Variants in ATP1A3 observed in about 807,000 individuals in gnomAD.
The protein encoded by ATP1A3 is ATPase Na+/K+ transporting subunit alpha 3.
In ATP1A3, 12 loss-of-function variants were observed where a neutral mutation model predicts 108.8. The observed-to-expected ratio is 0.11, with a 90% confidence interval of 0.07 to 0.18. The LOEUF (loss-of-function observed/expected upper bound fraction) is 0.18. ATP1A3 is among the 10% of genes least tolerant of loss of function. ATP1A3 has a pLI of 1.00. For synonymous variants in ATP1A3, 539 were observed against 564.5 expected (o/e 0.95, Z 0.64); for missense variants, 498 against 1,387.7 (o/e 0.36, Z 10.19).
chr19:41,980,201 C>T (rs1469280047), intron 11 of ATP1A3, among the ~76,000 whole-genome samples: 1 of 152,258 alleles, frequency 6.6e-6, no homozygotes, highest in East Asian at 1.9e-4. Flanking sequence ...TTGTTATTGT[C>T]TGTCTTCTAG....
intron 1 of ATP1A3, chr19:41,993,698 C>T (rs2075361943): frequency 2.3e-5 from 14 of 605,818 alleles, no homozygotes; most frequent in Non-Finnish European, 3.8e-5. Context: ...CAGACACACC[C>T]AGACGCGATC....
chr19:41,988,705 C>G lies in ATP1A3; in HGVS notation c.7-143G>C. The G allele has an allele frequency of 1.3e-6, 2 of 1,527,896 alleles. No individual in the cohort carries two copies. The highest frequency in any genetic ancestry group is 1.2e-5 in the South Asian group (1 of 82,586). The allele number at this position is 1,527,896 out of a possible 1,614,324, so 94.6% of individuals were successfully genotyped here. ...CTGGGTGGGGGGTCTCTGTCTGCCT[C>G]TCGGGGTCTCCCTGTGTCTCCCGGA... is the stretch of plus-strand genomic sequence containing the variant. On this transcript the variant is annotated intron_variant, in intron 1 of 22. Transcript: ENST00000648268. The surrounding 1 kb of genome is among the most constrained non-coding windows in gnomAD (Gnocchi z 5.3).
rs782243377 is a variant in ATP1A3 at position 41,967,176 on chromosome 19, G to C, written c.3013+73C>G. The C allele has an allele frequency of 1.2e-6, 2 of 1,607,220 alleles. No homozygotes were observed. The highest frequency in any genetic ancestry group is 1.7e-6 in the Non-Finnish European group (2 of 1,176,910). On this transcript the variant is annotated intron_variant, in intron 22 of 22. Coordinates refer to ENST00000648268, the MANE Select transcript of ATP1A3 (RefSeq NM_152296.5). This position sits in a 1 kb window ranked among gnomAD's most constrained non-coding sequence, Gnocchi z 4.2. ...TGGCAGAGCCATCCAGCAGGGCGAG[G>C]GGAGCCTGGGACCAGCTGCCTGAGA...
intron 16 of ATP1A3, among the ~76,000 whole-genome samples, chr19:41,971,004 G>A (rs1555859808): frequency 6.6e-6 from 1 of 151,188 alleles, no homozygotes; most frequent in Non-Finnish European, 1.5e-5. Flanking sequence ...TCACTCTGTT[G>A]CCCAGGCTGC....
At chr19:41,974,357 C>A (rs62119578) in intron 16 of ATP1A3, among the ~76,000 whole-genome samples, 9 of 151,954 alleles carry the variant, frequency 5.9e-5, no homozygotes, top group Admixed American at 3.9e-4. Flanking sequence ...GCAGGAGGAT[C>A]GATTAAGTCC....
Position 41,967,111 on chromosome 19 carries a change from G to T in ATP1A3, c.3013+138C>A, listed in dbSNP as rs1423458520. On this transcript the variant is annotated intron_variant, in intron 22 of 22. Transcript: ENST00000648268. The surrounding 1 kb of genome is among the most constrained non-coding windows in gnomAD (Gnocchi z 4.2). ...AGACCCGTGAGAAGACAGAGTGGGT[G>T]CCCGGAGAGATGGGAAGAGAGAGAA... is the stretch of plus-strand genomic sequence containing the variant. 6.4e-7 allele frequency: 1 copy of T among 1,554,580 alleles called. No individual in the cohort carries two copies. The highest frequency in any genetic ancestry group is 2.4e-5 in the East Asian group (1 of 41,060).
rs2075193714 is a variant in ATP1A3 at position 41,978,300 on chromosome 19, C to T, written c.1657G>A (p.Glu553Lys). Reference sequence around the variant, plus strand: ...AAGGCAAAGCCCTTGGGGAACTGCTCCTCGGGCAGGTAATAATGGCAGAAA... The same window carrying T: ...AAGGCAAAGCCCTTGGGGAACTGCTTCTCGGGCAGGTAATAATGGCAGAAA... Reference protein sequence around the residue: ...LGFCHYYLPEEQFPKGFAFDC... With the variant: ...LGFCHYYLPEKQFPKGFAFDC... The change falls in exon 13 of 23, where the codon GAG (glutamate) becomes AAG (lysine). Residue 553 changes from glutamate (E) to lysine (K), a missense_variant. By Grantham distance (56) the Glu-to-Lys change is moderately conservative. Coordinates refer to ENST00000648268, the MANE Select transcript of ATP1A3 (RefSeq NM_152296.5). This position sits in a 1 kb window ranked among gnomAD's most constrained non-coding sequence, Gnocchi z 8.3. The T allele has an allele frequency of 6.2e-7, 1 of 1,608,092 alleles. No individual in the cohort carries two copies. The highest frequency in any genetic ancestry group is 8.5e-7 in the Non-Finnish European group (1 of 1,177,482).
intron 16 of ATP1A3, among the ~76,000 whole-genome samples, chr19:41,971,112 C>T (rs919930248): frequency 4.6e-5 from 7 of 151,852 alleles, no homozygotes; most frequent in Non-Finnish European, 7.4e-5. Context: ...TACAGTCACG[C>T]GCCACCACGT....
Position 41,988,433 on chromosome 19 carries a change from C to A in ATP1A3, c.93+43G>T, listed in dbSNP as rs367641024. ...AGTGCCTAGGCCAGCCAAGAACTGG[C>A]GAGGTTCTCTGGGAGGGTGTGCGGG... is the stretch of plus-strand genomic sequence containing the variant. On this transcript the variant is annotated intron_variant, in intron 2 of 22. Coordinates refer to ENST00000648268, the MANE Select transcript of ATP1A3 (RefSeq NM_152296.5). This position sits in a 1 kb window ranked among gnomAD's most constrained non-coding sequence, Gnocchi z 5.3. 6 of 1,614,160 alleles carry A rather than the reference C, an allele frequency of 3.7e-6. No individual in the cohort carries two copies. In the South Asian group the frequency reaches 5.5e-5, roughly 15 times the overall value.
rs559009398 is a variant in ATP1A3 at position 41,976,517 on chromosome 19, A to G, written c.1993T>C (p.Ser665Pro). ...IHGTDLKDFT[S>P]EQIDEILQNH... ...TGCAGGATCTCGTCGATTTGCTCGGAGGTGAAGTCCTTGAGGTCGGTGCCG... is the reference window on the plus strand; with the variant it reads ...TGCAGGATCTCGTCGATTTGCTCGGGGGTGAAGTCCTTGAGGTCGGTGCCG... Residue 665 changes from serine (S) to proline (P), a missense_variant, in exon 15 of 23, where the codon TCC becomes CCC. By Grantham distance (74) the Ser-to-Pro change is moderately conservative. Transcript: ENST00000648268. 3.7e-6 allele frequency: 6 copies of G among 1,614,028 alleles called. No homozygotes were observed. In the South Asian group the frequency reaches 6.6e-5, roughly 18 times the overall value.
intron 8 of ATP1A3, among the ~76,000 whole-genome samples, chr19:41,983,404 A>G (rs2075254394): frequency 6.6e-6 from 1 of 151,850 alleles, no homozygotes. Flanking sequence ...CACATAAAAC[A>G]TTAAGTCAAA....
chr19:41,969,385 ACC>A lies in ATP1A3; in HGVS notation c.2688+48_2688+49del, dbSNP rs1555859265. ...TGGCCATGCATGGCTGGAACAGCTC[ACC>A]CCGGGGATCTTACGGTGGGCAGAGA... On this transcript the variant is annotated intron_variant, in intron 19 of 22. Transcript: ENST00000648268. 3.7e-6 allele frequency: 6 copies of A among 1,613,278 alleles called. No individual in the cohort carries two copies. In the Admixed American group the frequency reaches 5.0e-5, roughly 13 times the overall value.
intron 8 of ATP1A3, chr19:41,984,638 T>G (rs1235443538): frequency 4.9e-6 from 2 of 412,170 alleles, no homozygotes; most frequent in Non-Finnish European, 8.8e-6. Flanking sequence ...TTTCTCAAGA[T>G]TTTTGTTTGT....
At chr19:41,977,502 A>G (rs535525644) in intron 14 of ATP1A3, among the ~76,000 whole-genome samples, 8 of 148,410 alleles carry the variant, frequency 5.4e-5, no homozygotes, top group African/African-American at 1.7e-4. Context: ...CCTGGCCAAC[A>G]TAGTGAAACC....
At chr19:41,970,055 G>C (rs2075086158) in intron 18 of ATP1A3, 130 bp downstream of exon 18, 2 of 1,456,538 alleles carry the variant, frequency 1.4e-6, no homozygotes, top group Admixed American at 1.7e-5. Context: ...CCCACAGATA[G>C]CTCACTGGTT....
At position 41,988,159 on chromosome 19, in the gene ATP1A3, C is replaced by A. The variant is rs782526131; in HGVS notation, c.154-20G>T. On this transcript the variant is annotated intron_variant, in intron 3 of 22. Coordinates refer to ENST00000648268, the MANE Select transcript of ATP1A3 (RefSeq NM_152296.5). This position sits in a 1 kb window ranked among gnomAD's most constrained non-coding sequence, Gnocchi z 5.3. The stretch of plus-strand genomic sequence containing the variant: ...CAAACCCTGAGGGACAGAGGACTCA[C>A]ACAGAACCCTCCCTGGGCAACCCTG... 1.2e-6 allele frequency: 2 copies of A among 1,614,024 alleles called. No homozygotes were observed. Among genetic ancestry groups the A allele is most frequent in the African/African-American group, 1.3e-5 (1 of 74,894 alleles).
At position 41,984,871 on chromosome 19, in the gene ATP1A3, C is replaced by T. The variant is rs782346514; in HGVS notation, c.993+47G>A. On this transcript the variant is annotated intron_variant, in intron 8 of 22. Transcript: ENST00000648268. ...CCCCTCCTCCCTCAGACCCAGGAGC[C>T]CAGACCCCCAGGCCCTCCCCACCCA... is the stretch of plus-strand genomic sequence containing the variant. 8.2e-6 allele frequency: 13 copies of T among 1,581,420 alleles called. No homozygotes were observed. In the South Asian group the frequency reaches 1.5e-4, roughly 18 times the overall value.
intron 8 of ATP1A3, among the ~76,000 whole-genome samples, chr19:41,983,141 G>T (rs915165111): frequency 2.0e-5 from 3 of 151,282 alleles, no homozygotes; most frequent in African/African-American, 7.3e-5. Flanking sequence ...GCAGTGGCTC[G>T]ATCTCAGCTC....
At position 41,975,737 on chromosome 19, in the gene ATP1A3, C is replaced by T; in HGVS notation, c.2155G>A (p.Asp719Asn). The T allele has an allele frequency of 1.2e-6, 2 of 1,614,122 alleles. No homozygotes were observed. Among genetic ancestry groups the T allele is most frequent in the Non-Finnish European group, 8.5e-7 (1 of 1,179,984 alleles). Residue 719 changes from aspartate to asparagine, a missense_variant, in exon 16 of 23, where the codon GAC becomes AAC. Transcript: ENST00000648268. ...VNDSPALKKA[D>N]IGVAMGIAGS... ...GCGATGCCCATGGCCACCCCAATGT[C>T]GGCCTTCTTCAGAGCGGGGGAGTCG...
Sources: gnomAD v4.1 joint callset for allele counts (sites outside exome capture counted in the v4.1 genomes callset) on GRCh38, gnomAD v4.1.1 for gene constraint, Gnocchi (gnomAD v3.1) non-coding constraint, MANE v1.5 for transcripts, NCBI Gene and HGNC (gene_info 2026-07-23, HGNC 2026-07-21) for gene names.